The following LIN54 variants were observed in gnomAD, a reference collection of about 807,000 sequenced individuals.
LIN54 encodes the protein lin-54 DREAM MuvB core complex component, also known as protein lin-54 homolog.
Under a neutral mutation model 78.7 loss-of-function variants are expected in LIN54, and 9 were observed. The observed-to-expected ratio is 0.11, with a 90% CI of 0.07 to 0.20. The LOEUF (loss-of-function observed/expected upper bound fraction) is 0.20. LIN54 is among the 10% of genes least tolerant of loss of function. The pLI, the probability that LIN54 is intolerant of heterozygous loss-of-function variation, is 1.00. For synonymous variants in LIN54, 269 were observed against 318.4 expected, an observed-to-expected ratio of 0.84 and a Z score of 1.65; for missense variants, 573 against 889.9, an observed-to-expected ratio of 0.64 and a Z score of 4.53.
intron 1 of LIN54, 59 bp downstream of exon 1, chr4:83,010,425 C>A: frequency 7.0e-5 from 14 of 199,410 alleles, no homozygotes; most frequent in South Asian, 2.0e-4. Flanking sequence ...CCACCCCCAT[C>A]CCCCCAAATA....
intron 4 of LIN54, among the ~76,000 whole-genome samples, chr4:82,949,089 A>G (rs1331472004): frequency 3.3e-5 from 5 of 152,148 alleles, no homozygotes; most frequent in Admixed American, 2.6e-4. Flanking sequence ...AGAAACCTCC[A>G]CACTGTTTTC....
At position 82,927,329 on chromosome 4, in the gene LIN54, A is replaced by G. The variant is rs937421744; in HGVS notation, c.*773T>C. ...TGTTTACTTCCATTTATATCCACCTATCATTTTAATAGTACCCAGTAATCA... is the reference window on the plus strand; with the variant it reads ...TGTTTACTTCCATTTATATCCACCTGTCATTTTAATAGTACCCAGTAATCA... On this transcript the variant is annotated 3_prime_UTR_variant, in exon 13 of 13. Coordinates refer to ENST00000340417, the MANE Select transcript of LIN54 (RefSeq NM_194282.4). 4 of 152,224 alleles carry G rather than the reference A, an allele frequency of 2.6e-5. No individual in the cohort carries two copies. Among genetic ancestry groups the G allele is most frequent in the African/African-American group, 9.6e-5 (4 of 41,536 alleles). 9.4% of individuals were successfully genotyped at this position (152,224 alleles called of 1,614,324 possible).
chr4:82,954,446 C>T (rs1052604910), intron 4 of LIN54, among the ~76,000 whole-genome samples: 8 of 123,546 alleles, frequency 6.5e-5, no homozygotes, highest in African/African-American at 2.1e-4. Flanking sequence ...AAGACGGAGT[C>T]TCACTGGGTC....
At chr4:82,986,309 G>A (rs62311669) in intron 1 of LIN54, among the ~76,000 whole-genome samples, 1 of 151,744 alleles carries the variant, frequency 6.6e-6, no homozygotes, top group Non-Finnish European at 1.5e-5. Flanking sequence ...TAGAGACAAG[G>A]TTTCTCCATG....
At chr4:82,936,849 T>C (rs1722435522) in intron 9 of LIN54, among the ~76,000 whole-genome samples, 1 of 152,212 alleles carries the variant, frequency 6.6e-6, no homozygotes, top group Non-Finnish European at 1.5e-5. Flanking sequence ...TCAAGTCTTT[T>C]TAATGCTAAT....
intron 7 of LIN54, 28 bp downstream of exon 7, chr4:82,939,511 A>G: frequency 1.3e-6 from 2 of 1,581,926 alleles, no homozygotes; most frequent in African/African-American, 1.3e-5. Flanking sequence ...CACTTTTGCA[A>G]TACAATGACT....
chr4:83,006,604 G>GA (rs11417655), intron 1 of LIN54, among the ~76,000 whole-genome samples: 149,674 of 150,428 alleles, frequency 0.99, 74,463 homozygotes, highest in Middle Eastern at 1. Flanking sequence ...AATAAAAGCT[G>GA]AAAAAAAAAG....
intron 1 of LIN54, among the ~76,000 whole-genome samples, chr4:82,985,419 C>T (rs373671548): frequency 1.4e-4 from 21 of 152,306 alleles, no homozygotes; most frequent in Admixed American, 9.2e-4. Context: ...TAGAGTAATA[C>T]ATCTCAGCAA....
intron 5 of LIN54, among the ~76,000 whole-genome samples, chr4:82,945,118 G>A (rs1723255217): frequency 6.6e-6 from 1 of 152,194 alleles, no homozygotes; most frequent in Non-Finnish European, 1.5e-5. Context: ...GCCTCCCAAA[G>A]TGCTGGGATT....
intron 4 of LIN54, among the ~76,000 whole-genome samples, chr4:82,958,533 A>C (rs2126058801): frequency 6.6e-6 from 1 of 152,312 alleles, no homozygotes; most frequent in African/African-American, 2.4e-5. Context: ...TGTAATTTCC[A>C]GCCTATTGTC....
chr4:82,929,127 T>A (rs1183248487), intron 12 of LIN54, among the ~76,000 whole-genome samples: 1 of 152,234 alleles, frequency 6.6e-6, no homozygotes, highest in Non-Finnish European at 1.5e-5. Flanking sequence ...GAATTCAGGC[T>A]GCCATGCAGC....
chr4:82,938,487 A>G lies in LIN54; in HGVS notation c.1458T>C (p.Tyr486=), dbSNP rs760993298. 9 of 1,604,462 alleles carry G rather than the reference A, an allele frequency of 5.6e-6. No homozygotes were observed. The highest frequency in any genetic ancestry group is 7.7e-6 in the Non-Finnish European group (9 of 1,171,376). Residue 486 remains tyrosine, a synonymous_variant, in exon 8 of 13, where the codon TAT becomes TAC. Transcript: ENST00000340417. The stretch of plus-strand genomic sequence containing the variant: ...AGGTAGAGTTGCTTGCTATTGATAC[A>G]TATGAAGACTGCTGTAGCTACATGT... ...QYVTQLQQSS[Y]VSIASNSTFT...
upstream of LIN54, among the ~76,000 whole-genome samples, chr4:83,011,730 AC>A (rs536389168): frequency 1.0e-3 from 158 of 152,226 alleles, 1 homozygote; most frequent in Non-Finnish European, 1.9e-3. Context: ...TGAATAAGTA[AC>A]CAAAAGAGAA....
rs1578684543 is a variant in LIN54 at position 83,010,467 on chromosome 4, A to C, written c.-33+17T>G. On this transcript the variant is annotated intron_variant, in intron 1 of 12. Transcript: ENST00000340417. ...TCTCCGGACAGAGAAGCCCTCGGGTACCCCATCCTCCTCTACCTCCAGCGG... is the reference window on the plus strand; with the variant it reads ...TCTCCGGACAGAGAAGCCCTCGGGTCCCCCATCCTCCTCTACCTCCAGCGG... 1 of 966,432 alleles carries C rather than the reference A, an allele frequency of 1.0e-6. No individual in the cohort carries two copies. Among genetic ancestry groups the C allele is most frequent in the Non-Finnish European group, 1.2e-6 (1 of 823,004 alleles). The allele number at this position is 966,432 out of a possible 1,614,324, so 59.9% of individuals were successfully genotyped here.
At chr4:82,985,632 C>G (rs564373769) in intron 1 of LIN54, among the ~76,000 whole-genome samples, 1 of 152,224 alleles carries the variant, frequency 6.6e-6, no homozygotes, top group African/African-American at 2.4e-5. Flanking sequence ...CCTCCGCTTC[C>G]TGGGTTCAAG....
At chr4:82,947,231 A>T (rs1450606378) in intron 4 of LIN54, among the ~76,000 whole-genome samples, 1,478 of 13,862 alleles carry the variant, frequency 0.11, 85 homozygotes, top group African/African-American at 0.28. Context: ...ATATATATAT[A>T]TATATTTTTT....
At chr4:82,994,482 C>T (rs1728019957) in intron 1 of LIN54, among the ~76,000 whole-genome samples, 1 of 151,912 alleles carries the variant, frequency 6.6e-6, no homozygotes, top group South Asian at 2.1e-4. Context: ...ACTGCAACCT[C>T]CACCTCCCCG....
At chr4:82,977,101 C>A (rs981981766) in intron 3 of LIN54, among the ~76,000 whole-genome samples, 1 of 152,188 alleles carries the variant, frequency 6.6e-6, no homozygotes, top group Non-Finnish European at 1.5e-5. Flanking sequence ...TCAGACACTT[C>A]CGCGAACACC....
chr4:82,976,101 C>T (rs1427908784), intron 3 of LIN54, among the ~76,000 whole-genome samples: 4 of 152,078 alleles, frequency 2.6e-5, no homozygotes, highest in Non-Finnish European at 5.9e-5. Flanking sequence ...TGATCTCTTA[C>T]AATAAGTTAA....
Sources: gnomAD v4.1 joint callset for allele counts (sites outside exome capture counted in the v4.1 genomes callset) on GRCh38, gnomAD v4.1.1 for gene constraint, MANE v1.5 for transcripts, NCBI Gene and HGNC (gene_info 2026-07-23, HGNC 2026-07-21) for gene names.